Variants in UNC5D observed in about 807,000 individuals in gnomAD.
The protein encoded by UNC5D is unc-5 netrin receptor D, also known as netrin receptor UNC5D.
Under a neutral mutation model 105.4 loss-of-function variants are expected in UNC5D, and 39 were observed. That is an observed-to-expected ratio of 0.37 (90% CI 0.29 to 0.48). The LOEUF (loss-of-function observed/expected upper bound fraction) is 0.48. Among genes scored for constraint, UNC5D ranks in the 20% least tolerant of loss-of-function variants. The pLI, the probability that UNC5D is intolerant of heterozygous loss-of-function variation, is 0.98. For synonymous variants in UNC5D, 452 were observed against 450.4 expected (o/e 1.00, Z -0.04); for missense variants, 991 against 1,202.4 (o/e 0.82, Z 2.60).
intron 16 of UNC5D, among the ~76,000 whole-genome samples, chr8:35,774,966 T>C (rs1262534215): frequency 2.0e-5 from 3 of 150,202 alleles, no homozygotes; most frequent in Non-Finnish European, 4.4e-5. Context: ...CATTTCCTGC[T>C]ACCCCATTCT....
At chr8:35,534,244 C>A (rs771150294) in intron 1 of UNC5D, among the ~76,000 whole-genome samples, 1 of 152,086 alleles carries the variant, frequency 6.6e-6, no homozygotes, top group African/African-American at 2.4e-5. Context: ...ATGAGCAACT[C>A]GTAATGCTGT....
intron 11 of UNC5D, among the ~76,000 whole-genome samples, chr8:35,739,973 T>A (rs954512933): frequency 1.3e-5 from 2 of 152,184 alleles, no homozygotes; most frequent in Non-Finnish European, 2.9e-5. Context: ...CAGGACTCCA[T>A]AAAGTTATAT....
intron 1 of UNC5D, among the ~76,000 whole-genome samples, chr8:35,366,298 A>G (rs1314924646): frequency 6.6e-6 from 1 of 151,906 alleles, no homozygotes; most frequent in Admixed American, 6.6e-5. Context: ...AACTTCTTCC[A>G]TGTGCCCCAG....
chr8:35,271,708 T>C (rs1440749313), intron 1 of UNC5D, among the ~76,000 whole-genome samples: 1 of 74,060 alleles, frequency 1.4e-5, no homozygotes, highest in South Asian at 3.9e-4. Flanking sequence ...TGTATACATA[T>C]ATATTTATAC....
At chr8:35,616,831 C>T (rs1302867224) in intron 4 of UNC5D, among the ~76,000 whole-genome samples, 1 of 152,162 alleles carries the variant, frequency 6.6e-6, no homozygotes, top group African/African-American at 2.4e-5. Context: ...GGCCAGCAGT[C>T]AGTTGGTAGT....
At chr8:35,461,426 GAAGTA>G (rs923127272) in intron 1 of UNC5D, among the ~76,000 whole-genome samples, 4 of 152,128 alleles carry the variant, frequency 2.6e-5, no homozygotes, top group Non-Finnish European at 4.4e-5. Context: ...TCCATGATCA[GAAGTA>G]AAGTGGAGCT....
intron 1 of UNC5D, among the ~76,000 whole-genome samples, chr8:35,340,638 T>G (rs1476825531): frequency 6.6e-6 from 1 of 152,148 alleles, no homozygotes; most frequent in Non-Finnish European, 1.5e-5. Context: ...TGCAATTTAT[T>G]TGGTCATTTG....
chr8:35,517,461 A>C (rs1813173899), intron 1 of UNC5D, among the ~76,000 whole-genome samples: 2 of 152,134 alleles, frequency 1.3e-5, no homozygotes, highest in South Asian at 4.1e-4. Flanking sequence ...ATGGACCCAT[A>C]ATTAGTAGGG....
intron 1 of UNC5D, among the ~76,000 whole-genome samples, chr8:35,381,538 G>A (rs928918047): frequency 3.9e-5 from 6 of 152,164 alleles, no homozygotes; most frequent in South Asian, 2.1e-4. Flanking sequence ...GCTGTGGGCC[G>A]TGATTATGTG....
chr8:35,702,105 TACTC>T (rs1420016848), intron 7 of UNC5D, among the ~76,000 whole-genome samples: 3 of 152,064 alleles, frequency 2.0e-5, no homozygotes, highest in East Asian at 1.9e-4. Flanking sequence ...ATTTCCAACT[TACTC>T]AGAAGGTACC....
At chr8:35,660,415 C>T (rs1034483452) in intron 4 of UNC5D, among the ~76,000 whole-genome samples, 2 of 152,170 alleles carry the variant, frequency 1.3e-5, no homozygotes, top group African/African-American at 4.8e-5. Context: ...GTAACCATGA[C>T]TTCATGGTAT....
Position 35,608,168 on chromosome 8 carries a change from A to T in UNC5D, c.570+12511A>T, listed in dbSNP as rs146580189. ...GTACACTTCCGATTCTACCTCTGGC[A>T]TCATATCACTTTTTTATTTTAAAAA... On this transcript the variant is annotated intron_variant, in intron 4 of 16. Transcript: ENST00000404895. Among the ~76,000 whole-genome samples the T allele has an allele frequency of 6.2e-3, 937 of 152,334 alleles. 4 individuals are homozygous for T. Among genetic ancestry groups the T allele is most frequent in the African/African-American group, 0.022 (904 of 41,566 alleles).
At chr8:35,724,351 G>GT in intron 9 of UNC5D, 3 of 1,516,900 alleles carry the variant, frequency 2.0e-6, no homozygotes, top group Non-Finnish European at 2.6e-6. Flanking sequence ...ATATCATGTG[G>GT]TTTTCACCTC....
At position 35,312,962 on chromosome 8, in the gene UNC5D, C is replaced by T. The variant is rs569422070; in HGVS notation, c.103+77075C>T. ...CTGCATTAGGATGCACTCACATGAC[C>T]GTTTTGTATCAGATGGTGAGATAGT... On this transcript the variant is annotated intron_variant, in intron 1 of 16. Coordinates refer to ENST00000404895, the MANE Select transcript of UNC5D (RefSeq NM_080872.4). 3.5e-3 allele frequency among the ~76,000 whole-genome samples: 526 copies of T among 152,246 alleles called. 6 individuals are homozygous for T. The highest frequency in any genetic ancestry group is 0.012 in the African/African-American group (509 of 41,534).
At chr8:35,445,424 C>T (rs889621537) in intron 1 of UNC5D, among the ~76,000 whole-genome samples, 1 of 152,028 alleles carries the variant, frequency 6.6e-6, no homozygotes, top group Admixed American at 6.6e-5. Context: ...TAAAATAATA[C>T]ATTTAACATT....
chr8:35,374,221 C>T (rs1802569679), intron 1 of UNC5D, among the ~76,000 whole-genome samples: 1 of 152,126 alleles, frequency 6.6e-6, no homozygotes, highest in Admixed American at 6.5e-5. Context: ...TTCACTTAAA[C>T]GATGACAGAA....
chr8:35,343,155 G>T (rs1459143562), intron 1 of UNC5D, among the ~76,000 whole-genome samples: 1 of 152,066 alleles, frequency 6.6e-6, no homozygotes. Context: ...AATCAATGTT[G>T]TAGGGTATTA....
chr8:35,529,898 A>G (rs1483941660), intron 1 of UNC5D, among the ~76,000 whole-genome samples: 3 of 150,274 alleles, frequency 2.0e-5, no homozygotes, highest in Non-Finnish European at 3.0e-5. Flanking sequence ...TTGATTTTGT[A>G]TCCTGAGACT....
At chr8:35,263,112 TC>T (rs1804600567) in intron 1 of UNC5D, among the ~76,000 whole-genome samples, 1 of 152,144 alleles carries the variant, frequency 6.6e-6, no homozygotes, top group Admixed American at 6.5e-5. Flanking sequence ...CTTCACATAT[TC>T]TTTTTTAAGA....
Sources: gnomAD v4.1 joint callset for allele counts (sites outside exome capture counted in the v4.1 genomes callset) on GRCh38, gnomAD v4.1.1 for gene constraint, MANE v1.5 for transcripts, NCBI Gene and HGNC (gene_info 2026-07-23, HGNC 2026-07-21) for gene names.